Variants in PIK3IP1 observed in about 807,000 individuals in gnomAD.
PIK3IP1 encodes phosphoinositide-3-kinase interacting protein 1, also known as phosphoinositide-3-kinase-interacting protein 1.
In PIK3IP1, 28 loss-of-function variants were observed where a neutral mutation model predicts 30.7. The observed-to-expected ratio is 0.91, with a 90% CI of 0.68 to 1.25. The LOEUF (loss-of-function observed/expected upper bound fraction) is 1.25, where lower values mean the gene tolerates loss of function less well. Among genes scored for constraint, PIK3IP1 ranks in the 50% most tolerant of loss-of-function variants. The pLI is 0.00. For missense variants in PIK3IP1, 333 were observed against 346.2 expected (o/e 0.96, Z 0.30); for synonymous variants, 159 against 140.8 (o/e 1.13, Z -0.91).
chr22:31,286,924 G>A (rs907912794), intron 5 of PIK3IP1, among the ~76,000 whole-genome samples: 7 of 151,850 alleles, frequency 4.6e-5, no homozygotes, highest in Middle Eastern at 3.2e-3. Context: ...CAGACTGGGC[G>A]TCAGGATGTC....
At chr22:31,286,724 G>C (rs2049133101) in intron 5 of PIK3IP1, among the ~76,000 whole-genome samples, 1 of 152,242 alleles carries the variant, frequency 6.6e-6, no homozygotes, top group Admixed American at 6.5e-5. Context: ...ACTGTCACAG[G>C]ATTGCAGGAC....
intron 5 of PIK3IP1, among the ~76,000 whole-genome samples, chr22:31,285,939 G>A (rs375480789): frequency 2.0e-5 from 3 of 152,140 alleles, no homozygotes; most frequent in Admixed American, 6.5e-5. Flanking sequence ...TTGGGAGGCC[G>A]AGGCGGGTGG....
rs148188994 is a variant in PIK3IP1, at chr22:31,290,731, C to T, written c.307+234G>A. 511 of 553,606 alleles carry T rather than the reference C, an allele frequency of 9.2e-4. 5 individuals carry two copies. In the African/African-American group the frequency reaches 9.6e-3, roughly 10 times the overall value. The allele number at this position is 553,606 out of a possible 1,614,324, so 34.3% of individuals were successfully genotyped here. On this transcript the variant is annotated intron_variant, in intron 3 of 5. Coordinates refer to ENST00000215912, the MANE Select transcript of PIK3IP1 (RefSeq NM_052880.5). ...GCGGCGGAGAGACCTAGCCTCACCC[C>T]AGCCTCGCCCCGCGCAGTTGTTTAC... is the stretch of plus-strand genomic sequence containing the variant.
intron 1 of PIK3IP1, 106 bp downstream of exon 1, chr22:31,292,169 G>T (rs1328648717): frequency 8.8e-7 from 1 of 1,130,506 alleles, no homozygotes; most frequent in Non-Finnish European, 1.3e-6. Context: ...AACAGAAACC[G>T]GCTAAACGCT....
At chr22:31,283,891 A>G (rs758262431) in intron 5 of PIK3IP1, among the ~76,000 whole-genome samples, 1 of 152,098 alleles carries the variant, frequency 6.6e-6, no homozygotes, top group Non-Finnish European at 1.5e-5. Context: ...ATAAGCATCT[A>G]CTAAATGTCA....
intron 1 of PIK3IP1, 107 bp from the exon 2 acceptor site, chr22:31,291,403 G>A: frequency 3.6e-6 from 4 of 1,112,354 alleles, no homozygotes; most frequent in Non-Finnish European, 5.3e-6. Context: ...CCTCAGCCTG[G>A]TTAGGGGACC....
intron 5 of PIK3IP1, among the ~76,000 whole-genome samples, chr22:31,284,078 AT>A (rs1160211961): frequency 6.6e-6 from 1 of 151,916 alleles, no homozygotes; most frequent in Non-Finnish European, 1.5e-5. Flanking sequence ...AGTATTTTGT[AT>A]TTTTAGTAGA....
Position 31,291,264 on chromosome 22 carries a change from C to G in PIK3IP1, c.103G>C (p.Glu35Gln). 6.4e-7 allele frequency: 1 copy of G among 1,555,272 alleles called. No homozygotes were observed. The highest frequency in any genetic ancestry group is 8.7e-7 in the Non-Finnish European group (1 of 1,150,096). The change falls in exon 2 of 6, where the codon GAG becomes CAG. Residue 35 changes from glutamate to glutamine, a missense_variant. By Grantham distance (29) the Glu-to-Gln change is conservative (BLOSUM62 2). Coordinates refer to ENST00000215912, the MANE Select transcript of PIK3IP1 (RefSeq NM_052880.5). ...CFWDNGHLYR[E>Q]DQTSPAPGLR... ...CCCGGCGCGGGGGAGGTCTGGTCCT[C>G]CCGGTACAGGTGGCCGTTGTCCCAG... is the stretch of plus-strand genomic sequence containing the variant.
intron 5 of PIK3IP1, 198 bp downstream of exon 5, chr22:31,289,117 C>T (rs1305511595): frequency 8.1e-6 from 5 of 615,364 alleles, no homozygotes; most frequent in Non-Finnish European, 1.5e-5. Context: ...ACATCCCTCA[C>T]AAGGCTTTTA....
Position 31,283,263 on chromosome 22 carries a change from C to G in PIK3IP1, c.613G>C (p.Asp205His), listed in dbSNP as rs1411094385. ...KRGKDLKEQH[D>H]QKVCEREMQR... ...ATCTCCCTCTCACATACTTTCTGAT[C>G]ATGCTGTTCTTTCAAATCCTTCCCC... The change falls in exon 6 of 6, where the codon GAT (aspartate) becomes CAT (histidine). Residue 205 changes from aspartate to histidine, a missense_variant. Around this residue, in one of 3 missense-constraint regions of PIK3IP1, gnomAD observed 217 missense variants for 227.7 expected, o/e 0.95. Coordinates refer to ENST00000215912, the MANE Select transcript of PIK3IP1 (RefSeq NM_052880.5). 6.2e-7 allele frequency: 1 copy of G among 1,614,016 alleles called. No individual in the cohort carries two copies. Among genetic ancestry groups the G allele is most frequent in the East Asian group, 2.2e-5 (1 of 44,892 alleles).
chr22:31,291,107 G>C (rs1278703869), intron 2 of PIK3IP1, 23 bp from the exon 3 acceptor site: 1 of 1,546,232 alleles, frequency 6.5e-7, no homozygotes, highest in African/African-American at 1.4e-5. Flanking sequence ...AGAAGGAAAT[G>C]TGTGCCGGGG....
chr22:31,283,149 TCTGG>T lies in PIK3IP1; in HGVS notation c.723_726del (p.Ser241ArgfsTer54). On this transcript the variant is annotated frameshift_variant, in exon 6 of 6. Transcript: ENST00000215912. LOFTEE classifies it high-confidence loss of function. Reference sequence around the variant, plus strand: ...GTGCCCTCCTGAGGGTCAACTGGAGTCTGGCTGGTGTGGACCACGACAGTCTTCT... The same window carrying T: ...GTGCCCTCCTGAGGGTCAACTGGAGTCTGGTGTGGACCACGACAGTCTTCT... 2 of 1,613,804 alleles carry T rather than the reference TCTGG, an allele frequency of 1.2e-6. No individual in the cohort carries two copies. The highest frequency in any genetic ancestry group is 1.7e-4 in the Middle Eastern group (1 of 6,050).
chr22:31,291,864 C>G (rs1306760790), intron 1 of PIK3IP1, among the ~76,000 whole-genome samples: 1 of 152,222 alleles, frequency 6.6e-6, no homozygotes. Context: ...GCAAAAGATT[C>G]AAGACAGCCT....
chr22:31,288,308 G>A (rs931500841), intron 5 of PIK3IP1, among the ~76,000 whole-genome samples: 1 of 151,656 alleles, frequency 6.6e-6, no homozygotes, highest in Non-Finnish European at 1.5e-5. Context: ...CGCCCTGGGA[G>A]GTTGAGGCTG....
At position 31,292,362 on chromosome 22, in the gene PIK3IP1, T is replaced by G. The variant is rs1205576891; in HGVS notation, c.-18A>C. On this transcript the variant is annotated 5_prime_UTR_variant, in exon 1 of 6. Coordinates refer to ENST00000215912, the MANE Select transcript of PIK3IP1 (RefSeq NM_052880.5). ...AACAGCATCCTTGCCTCCTTCGTCT[T>G]GCAGGTGATTGAACGACCAGTGTTT... is the stretch of plus-strand genomic sequence containing the variant. The G allele has an allele frequency of 2.5e-6, 4 of 1,613,494 alleles. No homozygotes were observed. Among genetic ancestry groups the G allele is most frequent in the Non-Finnish European group, 2.5e-6 (3 of 1,179,548 alleles).
chr22:31,283,467 G>A (rs1049595477), intron 5 of PIK3IP1, among the ~76,000 whole-genome samples, 179 bp from the exon 6 acceptor site: 15 of 152,132 alleles, frequency 9.9e-5, no homozygotes, highest in African/African-American at 2.2e-4. Context: ...GCAAGACGGC[G>A]TTAAACTCAA....
At chr22:31,290,743 G>A (rs2049169197) in intron 3 of PIK3IP1, 2 of 593,504 alleles carry the variant, frequency 3.4e-6, no homozygotes, top group African/African-American at 2.0e-5. Context: ...GCCTCGCCCC[G>A]CGCAGTTGTT....
At position 31,282,088 on chromosome 22, in the gene PIK3IP1, G is replaced by A. The variant is rs1398912415; in HGVS notation, c.*996C>T. 2 of 152,222 alleles carry A rather than the reference G, an allele frequency of 1.3e-5. No homozygotes were observed. Among genetic ancestry groups the A allele is most frequent in the Non-Finnish European group, 1.5e-5 (1 of 68,070 alleles). 9.4% of individuals were successfully genotyped at this position (152,222 alleles called of 1,614,324 possible). A position where few individuals can be genotyped will look rare whatever the true frequency, so the allele number is the denominator to read the frequency against. ...TTCTTTGATTGCTTTATGAGTTAGG[G>A]GCTGTGACCCTAGCCCCAGTGCCCT... On this transcript the variant is annotated 3_prime_UTR_variant, in exon 6 of 6. Transcript: ENST00000215912.
chr22:31,289,981 C>G (rs2049161400), intron 3 of PIK3IP1: 1 of 368,684 alleles, frequency 2.7e-6, no homozygotes, highest in Non-Finnish European at 5.0e-6. Context: ...CAAGGCCCCT[C>G]TCGGTTGCGT....
Sources: gnomAD v4.1 joint callset for allele counts (sites outside exome capture counted in the v4.1 genomes callset) on GRCh38, gnomAD v4.1.1 for gene constraint, gnomAD v4.1.1 regional missense constraint, MANE v1.5 for transcripts, NCBI Gene and HGNC (gene_info 2026-07-23, HGNC 2026-07-21) for gene names.